RIN2: variants seen among roughly 807,000 people sequenced by gnomAD.
The protein encoded by RIN2 is RAB5 interacting protein 2.
Under a neutral mutation model 78.0 loss-of-function variants are expected in RIN2, and 36 were observed. The observed-to-expected ratio is 0.46, with a 90% CI of 0.35 to 0.61. The LOEUF (loss-of-function observed/expected upper bound fraction) is 0.61. Among genes scored for constraint, RIN2 ranks in the 20% least tolerant of loss-of-function variants. The pLI is 0.00. For missense variants in RIN2, 1,087 were observed against 1,159.7 expected (o/e 0.94, Z 0.91); for synonymous variants, 466 against 466.8 (o/e 1.00, Z 0.02).
chr20:19,935,027 A>G, intron 3 of RIN2, 72 bp from the exon 4 acceptor site: 5 of 1,101,920 alleles, frequency 4.5e-6, no homozygotes, highest in Non-Finnish European at 6.8e-6. Context: ...GAAAAGCCTG[A>G]GTTCCCCGGG....
At chr20:19,831,048 C>T (rs2036236345) in intron 2 of RIN2, among the ~76,000 whole-genome samples, 1 of 152,178 alleles carries the variant, frequency 6.6e-6, no homozygotes, top group Non-Finnish European at 1.5e-5. Flanking sequence ...AACTCTGTCT[C>T]CAAGTCTGCT....
chr20:19,824,015 G>C (rs943007061), intron 2 of RIN2: 4 of 935,136 alleles, frequency 4.3e-6, no homozygotes, highest in Non-Finnish European at 6.5e-6. Context: ...GGCCTCCTCC[G>C]AGCCGAAAGC....
rs552929676 is a variant in RIN2 at position 19,959,873 on chromosome 20, G to T, written c.352-827G>T. ...GCCTCCTGGAGTTGTGCAGTGCACG[G>T]CCTACACAACAGTACACAGCATACT... On this transcript the variant is annotated intron_variant, in intron 5 of 12. Transcript: ENST00000255006. Among the ~76,000 whole-genome samples, 47 of 152,286 alleles carry T rather than the reference G, an allele frequency of 3.1e-4. No homozygotes were observed. The South Asian group carries it at 8.3e-3, about 27-fold the overall frequency.
intron 7 of RIN2, among the ~76,000 whole-genome samples, chr20:19,965,952 G>T (rs2041924934): frequency 6.6e-6 from 1 of 152,158 alleles, no homozygotes; most frequent in Non-Finnish European, 1.5e-5. Context: ...GGTGTGCATT[G>T]TGAAAGGCTT....
chr20:19,802,954 C>T (rs2035293359), intron 2 of RIN2, among the ~76,000 whole-genome samples: 1 of 152,152 alleles, frequency 6.6e-6, no homozygotes, highest in Non-Finnish European at 1.5e-5. Flanking sequence ...CCACTAGACC[C>T]CTCTTTTATC....
intron 2 of RIN2, among the ~76,000 whole-genome samples, chr20:19,858,730 A>G (rs1471619007): frequency 6.6e-6 from 1 of 152,158 alleles, no homozygotes; most frequent in African/African-American, 2.4e-5. Flanking sequence ...CTCCTTCCCC[A>G]TTCTCCATAA....
At chr20:19,765,899 C>A (rs1311743172) in intron 1 of RIN2, among the ~76,000 whole-genome samples, 2 of 150,944 alleles carry the variant, frequency 1.3e-5, no homozygotes, top group African/African-American at 5.0e-5. Context: ...GGTTTCATGG[C>A]TTGTGAGAAA....
chr20:19,910,915 CAAG>C lies in RIN2; in HGVS notation c.57+21262_57+21264del, dbSNP rs562880676. On this transcript the variant is annotated intron_variant, in intron 3 of 12. Coordinates refer to ENST00000255006, the MANE Select transcript of RIN2 (RefSeq NM_018993.4). ...TAATTCCAAACTTCCAGAATAGTTG[CAAG>C]AAGAGTTCAAAGAACGCTTATATAT... Among the ~76,000 whole-genome samples, 358 of 152,120 alleles carry C rather than the reference CAAG, an allele frequency of 2.4e-3. 2 individuals are homozygous for C. The highest frequency in any genetic ancestry group is 8.0e-3 in the African/African-American group (330 of 41,496).
chr20:19,854,912 G>A (rs572628882), intron 2 of RIN2, among the ~76,000 whole-genome samples: 5 of 152,214 alleles, frequency 3.3e-5, no homozygotes, highest in Non-Finnish European at 5.9e-5. Context: ...AACTTCCAAG[G>A]CTATGTTGAA....
At chr20:19,843,969 A>T (rs924147312) in intron 2 of RIN2, among the ~76,000 whole-genome samples, 1 of 152,220 alleles carries the variant, frequency 6.6e-6, no homozygotes, top group South Asian at 2.1e-4. Context: ...ATAACTTTTA[A>T]AAACAACATG....
At chr20:19,994,936 G>T (rs1411530027) in intron 11 of RIN2, among the ~76,000 whole-genome samples, 4 of 152,182 alleles carry the variant, frequency 2.6e-5, no homozygotes, top group African/African-American at 9.7e-5. Context: ...AATGGAAAGT[G>T]CATGGCTCAG....
At position 19,854,586 on chromosome 20, in the gene RIN2, G is replaced by A. The variant is rs558119188; in HGVS notation, c.-36-34980G>A. Among the ~76,000 whole-genome samples, 399 of 152,244 alleles carry A rather than the reference G, an allele frequency of 2.6e-3. 3 individuals are homozygous for A. The highest frequency in any genetic ancestry group is 9.2e-3 in the African/African-American group (382 of 41,518). On this transcript the variant is annotated intron_variant, in intron 2 of 12. Coordinates refer to ENST00000255006, the MANE Select transcript of RIN2 (RefSeq NM_018993.4). ...AGTGGTTTGTAGTTCTCCTTGAAGAGGTCCTTCACATCCCTTATAAATTGG... is the reference window on the plus strand; with the variant it reads ...AGTGGTTTGTAGTTCTCCTTGAAGAAGTCCTTCACATCCCTTATAAATTGG...
chr20:19,995,916 A>C (rs1415478158), intron 11 of RIN2, among the ~76,000 whole-genome samples: 2 of 152,190 alleles, frequency 1.3e-5, no homozygotes, highest in African/African-American at 4.8e-5. Context: ...GGACTGATGG[A>C]GGGGATACTG....
chr20:19,991,648 G>T (rs566096021), intron 10 of RIN2, among the ~76,000 whole-genome samples: 2 of 152,208 alleles, frequency 1.3e-5, no homozygotes, highest in Non-Finnish European at 2.9e-5. Context: ...ATTAATCAAT[G>T]TGTATATTCA....
chr20:19,964,945 T>G lies in RIN2; in HGVS notation c.464-7T>G. The G allele has an allele frequency of 1.2e-6, 2 of 1,613,174 alleles. No homozygotes were observed. Among genetic ancestry groups the G allele is most frequent in the Non-Finnish European group, 1.7e-6 (2 of 1,179,442 alleles). ...GAATCAGCTGGTTTCTGAAATCTCT[T>G]TTCCAGCCTTTTCCCTGGAAGGCTC... On this transcript the variant is annotated splice_polypyrimidine_tract_variant and splice_region_variant and intron_variant, in intron 6 of 12. Transcript: ENST00000255006.
At chr20:19,962,190 A>G (rs570439944) in intron 6 of RIN2, among the ~76,000 whole-genome samples, 33 of 151,786 alleles carry the variant, frequency 2.2e-4, no homozygotes, top group Admixed American at 1.6e-3. Flanking sequence ...CTGTAGTCCC[A>G]GCTACTAAGG....
intron 1 of RIN2, among the ~76,000 whole-genome samples, chr20:19,762,447 A>G (rs1024807080): frequency 6.6e-5 from 10 of 152,232 alleles, no homozygotes; most frequent in Non-Finnish European, 1.2e-4. Context: ...TAGGTCTCCA[A>G]TGCTGAGCAA....
At chr20:19,890,101 C>T (rs1322236326) in intron 3 of RIN2, among the ~76,000 whole-genome samples, 5 of 152,060 alleles carry the variant, frequency 3.3e-5, no homozygotes, top group Admixed American at 6.6e-5. Flanking sequence ...CTTCCTGGAC[C>T]GCACCTTAGA....
At chr20:19,925,816 G>A (rs937829082) in intron 3 of RIN2, among the ~76,000 whole-genome samples, 18 of 152,196 alleles carry the variant, frequency 1.2e-4, no homozygotes, top group African/African-American at 4.3e-4. Flanking sequence ...GGAGCAATGT[G>A]GCACCAGCTC....
Sources: gnomAD v4.1 joint callset for allele counts (sites outside exome capture counted in the v4.1 genomes callset) on GRCh38, gnomAD v4.1.1 for gene constraint, MANE v1.5 for transcripts, NCBI Gene and HGNC (gene_info 2026-07-23, HGNC 2026-07-21) for gene names.